Variants in KCNG2 observed in about 807,000 individuals in gnomAD.
KCNG2 encodes potassium voltage-gated channel modifier subfamily G member 2.
In KCNG2, 7 loss-of-function variants were observed where a neutral mutation model predicts 12.3. The ratio of observed to expected loss-of-function variants is 0.57; its 90% CI spans 0.32 to 1.07. KCNG2 has a LOEUF of 1.07. KCNG2 is among the 50% of genes least tolerant of loss of function. KCNG2 has a pLI of 0.04. For missense variants in KCNG2, 703 were observed against 726.0 expected (o/e 0.97, Z 0.36); for synonymous variants, 414 against 351.4 (o/e 1.18, Z -1.99).
intron 3 of KCNG2, among the ~76,000 whole-genome samples, chr18:79,872,799 A>C (rs993462965): frequency 1.3e-5 from 2 of 152,236 alleles, no homozygotes; most frequent in African/African-American, 4.8e-5. Flanking sequence ...TGTTGAGATT[A>C]AGTTGAATAA....
At chr18:79,842,221 G>T (rs987913147) in intron 1 of KCNG2, among the ~76,000 whole-genome samples, 2 of 152,146 alleles carry the variant, frequency 1.3e-5, no homozygotes, top group Admixed American at 6.5e-5. Context: ...CCAAACTCCA[G>T]GCCTGTCCCA....
chr18:79,871,611 G>A (rs34671511), intron 3 of KCNG2, among the ~76,000 whole-genome samples: 53,531 of 152,056 alleles, frequency 0.35, 11,202 homozygotes, highest in Non-Finnish European at 0.45. Context: ...TCGAGTGGGC[G>A]GTGCAGGACC....
At chr18:79,872,432 C>T (rs1035518863) in intron 3 of KCNG2, among the ~76,000 whole-genome samples, 7 of 152,068 alleles carry the variant, frequency 4.6e-5, no homozygotes, top group Admixed American at 2.6e-4. Flanking sequence ...ATTACAGATG[C>T]ACCACCACGC....
At chr18:79,897,129 TG>T (rs1467720631) in intron 3 of KCNG2, among the ~76,000 whole-genome samples, 4 of 44,616 alleles carry the variant, frequency 9.0e-5, no homozygotes, top group Non-Finnish European at 4.2e-4. Context: ...TTTAAAAAAT[TG>T]TTTTTTTTTT....
chr18:79,862,608 T>G (rs1318343779), intron 2 of KCNG2, among the ~76,000 whole-genome samples: 2 of 152,180 alleles, frequency 1.3e-5, no homozygotes, highest in Admixed American at 1.3e-4. Flanking sequence ...CATTCCAGAT[T>G]CCCGGGAACT....
At chr18:79,867,835 C>T (rs1177711247) in intron 3 of KCNG2, among the ~76,000 whole-genome samples, 1 of 152,112 alleles carries the variant, frequency 6.6e-6, no homozygotes, top group Non-Finnish European at 1.5e-5. Flanking sequence ...CTCCACCCCT[C>T]GGGGCAGAGC....
chr18:79,891,032 A>G (rs1174101053), intron 3 of KCNG2, among the ~76,000 whole-genome samples: 2 of 151,822 alleles, frequency 1.3e-5, no homozygotes, highest in African/African-American at 4.8e-5. Context: ...TGGTTTCTCT[A>G]TGGGTTTTGT....
At chr18:79,809,858 G>A (rs893558705) in intron 1 of KCNG2, among the ~76,000 whole-genome samples, 2 of 152,330 alleles carry the variant, frequency 1.3e-5, no homozygotes, top group African/African-American at 2.4e-5. Flanking sequence ...TGCCCTCTGC[G>A]TCTCCTTCAT....
intron 3 of KCNG2, among the ~76,000 whole-genome samples, chr18:79,872,494 A>G (rs766148103): frequency 6.6e-6 from 1 of 152,128 alleles, no homozygotes; most frequent in African/African-American, 2.4e-5. Flanking sequence ...CATGTTGGCC[A>G]GGCTGGCCTT....
chr18:79,802,520 T>A (rs1400266866), intron 1 of KCNG2, among the ~76,000 whole-genome samples: 4 of 152,252 alleles, frequency 2.6e-5, no homozygotes, highest in African/African-American at 7.2e-5. Context: ...GGGGAAGGTC[T>A]GGCTGTAACT....
chr18:79,829,296 ATC>A (rs1406615369), intron 1 of KCNG2, among the ~76,000 whole-genome samples: 1 of 148,974 alleles, frequency 6.7e-6, no homozygotes, highest in Non-Finnish European at 1.5e-5. Flanking sequence ...GTCTGCATGT[ATC>A]TGTGTGTGTG....
intron 3 of KCNG2, among the ~76,000 whole-genome samples, chr18:79,887,365 G>A (rs933209658): frequency 5.3e-5 from 8 of 152,038 alleles, no homozygotes; most frequent in African/African-American, 1.9e-4. Context: ...AGGACACACT[G>A]GGCTCAGAGC....
rs1046013833 is a variant in KCNG2 at position 79,803,577 on chromosome 18, G to A, written c.-115+5563G>A. On this transcript the variant is annotated intron_variant, in intron 1 of 3. Transcript: ENST00000316249. The surrounding 1 kb of genome is among the most constrained non-coding windows in gnomAD (Gnocchi z 4.5). Reference sequence around the variant, plus strand: ...CGACGAGGGGGCCTGTGATTCTGGGGGCTCCGATCGTGTTTCTTCCCTGAG... The same window carrying A: ...CGACGAGGGGGCCTGTGATTCTGGGAGCTCCGATCGTGTTTCTTCCCTGAG... Among the ~76,000 whole-genome samples the A allele has an allele frequency of 6.6e-6, 1 of 152,178 alleles. No homozygotes were observed. The highest frequency in any genetic ancestry group is 1.5e-5 in the Non-Finnish European group (1 of 68,036).
intron 3 of KCNG2, among the ~76,000 whole-genome samples, chr18:79,876,689 C>T (rs1980085812): frequency 6.6e-6 from 1 of 152,250 alleles, no homozygotes; most frequent in Non-Finnish European, 1.5e-5. Context: ...CTGGGTGAAT[C>T]ATCAACGACA....
chr18:79,877,673 G>A (rs1347786799), intron 3 of KCNG2, among the ~76,000 whole-genome samples: 1 of 152,140 alleles, frequency 6.6e-6, no homozygotes, highest in Admixed American at 6.5e-5. Context: ...AGAGGCCCAG[G>A]AGCACCCACA....
In KCNG2 at chr18:79,899,494, A is replaced by G; in HGVS notation, c.1079A>G (p.Tyr360Cys). 6.2e-7 allele frequency: 1 copy of G among 1,607,762 alleles called. No homozygotes were observed. Among genetic ancestry groups the G allele is most frequent in the Non-Finnish European group, 8.5e-7 (1 of 1,177,862 alleles). ...GACTTCTCCAGCGTGCCCGCCAGCTATTGGTGGGCCGTCATCTCCATGACC... is the reference window on the plus strand; with the variant it reads ...GACTTCTCCAGCGTGCCCGCCAGCTGTTGGTGGGCCGTCATCTCCATGACC... ...RRDFSSVPAS[Y>C]WWAVISMTTV... The change falls in exon 4 of 4, where the codon TAT becomes TGT. Residue 360 changes from tyrosine (Y) to cysteine (C), a missense_variant. Coordinates refer to ENST00000316249, the MANE Select transcript of KCNG2 (RefSeq NM_012283.2).
At chr18:79,854,321 C>G (rs1478418682) in intron 1 of KCNG2, among the ~76,000 whole-genome samples, 3 of 152,224 alleles carry the variant, frequency 2.0e-5, no homozygotes, top group Non-Finnish European at 4.4e-5. Context: ...TCACAACACT[C>G]ACATGCAGAA....
chr18:79,895,538 CTTCA>C (rs1980937251), intron 3 of KCNG2, among the ~76,000 whole-genome samples: 1 of 151,730 alleles, frequency 6.6e-6, no homozygotes, highest in Admixed American at 6.6e-5. Flanking sequence ...TGATTGTTCA[CTTCA>C]TTCACATCTA....
intron 2 of KCNG2, among the ~76,000 whole-genome samples, chr18:79,863,140 C>G (rs1053212198): frequency 2.6e-5 from 4 of 152,242 alleles, no homozygotes; most frequent in Non-Finnish European, 4.4e-5. Context: ...CTCCGCCTCA[C>G]AGAATGCTGA....
Sources: gnomAD v4.1 joint callset for allele counts (sites outside exome capture counted in the v4.1 genomes callset) on GRCh38, gnomAD v4.1.1 for gene constraint, Gnocchi (gnomAD v3.1) non-coding constraint, MANE v1.5 for transcripts, NCBI Gene and HGNC (gene_info 2026-07-23, HGNC 2026-07-21) for gene names.